STOX2: variants seen among roughly 807,000 people sequenced by gnomAD.
STOX2 encodes the protein storkhead-box protein 2.
STOX2 carries 28 observed loss-of-function variants against 60.9 expected under a neutral mutation model. The observed-to-expected ratio is 0.46, with a 90% confidence interval of 0.34 to 0.63. The LOEUF is 0.63. Among genes scored for constraint, STOX2 ranks in the 30% least tolerant of loss-of-function variants. The pLI is 0.01. For synonymous variants in STOX2, 472 were observed against 463.9 expected (o/e 1.02, Z -0.22); for missense variants, 1,024 against 1,187.7 (o/e 0.86, Z 2.03).
intron 1 of STOX2, among the ~76,000 whole-genome samples, chr4:183,829,356 C>A (rs529736018): frequency 8.5e-5 from 13 of 152,140 alleles, no homozygotes; most frequent in African/African-American, 3.1e-4. Context: ...AAAGACAGAA[C>A]GTGGAAAAAA....
chr4:183,877,390 G>T (rs1205628131), intron 1 of STOX2, among the ~76,000 whole-genome samples: 1 of 152,184 alleles, frequency 6.6e-6, no homozygotes, highest in East Asian at 1.9e-4. Context: ...AAATGTTTTG[G>T]AGTAGGGGAA....
intron 1 of STOX2, among the ~76,000 whole-genome samples, chr4:183,861,575 A>G (rs891392110): frequency 6.6e-6 from 1 of 152,042 alleles, no homozygotes; most frequent in Non-Finnish European, 1.5e-5. Context: ...CTGGCTTGGG[A>G]TTGCAGTTTT....
intron 1 of STOX2, among the ~76,000 whole-genome samples, chr4:183,920,140 G>A (rs1742061418): frequency 6.6e-6 from 1 of 151,310 alleles, no homozygotes; most frequent in Non-Finnish European, 1.5e-5. Flanking sequence ...TTTTGAGACA[G>A]GGTCTTGCTC....
intron 1 of STOX2, among the ~76,000 whole-genome samples, chr4:183,812,061 A>T (rs537013573): frequency 6.6e-6 from 1 of 151,366 alleles, no homozygotes; most frequent in South Asian, 2.1e-4. Context: ...CCTCCTCAGT[A>T]GTTGGAACTA....
At chr4:183,829,831 G>A (rs56402637) in intron 1 of STOX2, among the ~76,000 whole-genome samples, 12,882 of 152,190 alleles carry the variant, frequency 0.085, 1,778 homozygotes, top group African/African-American at 0.29. Context: ...ATGAAACAGA[G>A]TAATTCTCCT....
intron 1 of STOX2, among the ~76,000 whole-genome samples, chr4:183,863,486 G>A (rs966197115): frequency 2.6e-5 from 4 of 152,200 alleles, no homozygotes; most frequent in Non-Finnish European, 5.9e-5. Context: ...TTCCATATGC[G>A]TAGAATGAAG....
intron 1 of STOX2, among the ~76,000 whole-genome samples, chr4:183,855,513 A>T (rs147162710): frequency 2.0e-5 from 3 of 152,216 alleles, no homozygotes; most frequent in Non-Finnish European, 4.4e-5. Context: ...AGTGTAACTT[A>T]TGACAAGGGT....
chr4:183,983,540 G>A (rs984650521), intron 1 of STOX2, among the ~76,000 whole-genome samples: 2 of 152,172 alleles, frequency 1.3e-5, no homozygotes, highest in South Asian at 2.1e-4. Context: ...TCTTGACACC[G>A]CAGACTTCTG....
At position 184,017,381 on chromosome 4, in the gene STOX2, C is replaced by T. The variant is rs116359962; in HGVS notation, c.*97C>T. 5.2e-4 allele frequency: 656 copies of T among 1,262,368 alleles called. 8 individuals are homozygous for T. The African/African-American group carries it at 9.0e-3, about 17-fold the overall frequency. 78.2% of individuals were successfully genotyped at this position (1,262,368 alleles called of 1,614,324 possible). On this transcript the variant is annotated 3_prime_UTR_variant, in exon 4 of 4. Coordinates refer to ENST00000308497, the MANE Select transcript of STOX2 (RefSeq NM_020225.3). The stretch of plus-strand genomic sequence containing the variant: ...ATCTTTGGAAAGACAAGCATCTCAA[C>T]CACAGTTTTTGTGTTTACTTAAACT...
intron 1 of STOX2, among the ~76,000 whole-genome samples, chr4:183,833,937 C>A (rs565322916): frequency 5.6e-4 from 82 of 146,180 alleles, no homozygotes; most frequent in African/African-American, 2.0e-3. Context: ...AGCCGAGATC[C>A]CGCCACTGCA....
At position 183,831,850 on chromosome 4, in the gene STOX2, G is replaced by A. The variant is rs546938993; in HGVS notation, c.364+33795G>A. On this transcript the variant is annotated intron_variant, in intron 1 of 2. Transcript: ENST00000513034. Reference sequence around the variant, plus strand: ...GTAAACACGCCCTGGTCTCATTTCCGAGGCTTTGTACTTCCTCTTTTCTCT... The same window carrying A: ...GTAAACACGCCCTGGTCTCATTTCCAAGGCTTTGTACTTCCTCTTTTCTCT... Among the ~76,000 whole-genome samples the A allele has an allele frequency of 8.6e-4, 131 of 152,104 alleles. 1 individual carries two copies. The highest frequency in any genetic ancestry group is 1.5e-3 in the Non-Finnish European group (105 of 67,996).
intron 1 of STOX2, among the ~76,000 whole-genome samples, chr4:183,940,382 G>T (rs926905204): frequency 6.6e-6 from 1 of 152,152 alleles, no homozygotes; most frequent in Admixed American, 6.5e-5. Flanking sequence ...TAGCAACTTC[G>T]TAGCAATATG....
intron 1 of STOX2, among the ~76,000 whole-genome samples, chr4:183,972,715 T>A (rs1743779825): frequency 1.3e-5 from 2 of 152,218 alleles, no homozygotes; most frequent in Admixed American, 6.5e-5. Context: ...AGACTCGGAC[T>A]CTCATGATAT....
At chr4:183,862,331 A>T (rs541741284) in intron 1 of STOX2, among the ~76,000 whole-genome samples, 60 of 152,136 alleles carry the variant, frequency 3.9e-4, no homozygotes, top group African/African-American at 1.4e-3. Flanking sequence ...ACATGCCATC[A>T]CCCCTAGCTA....
Position 184,009,540 on chromosome 4 carries a change from G to T in STOX2, c.702G>T (p.Val234=). The change falls in exon 3 of 4, where the codon GTG becomes GTT. Residue 234 remains valine, a synonymous_variant. Coordinates refer to ENST00000308497, the MANE Select transcript of STOX2 (RefSeq NM_020225.3). This position sits in a 1 kb window ranked among gnomAD's most constrained non-coding sequence, Gnocchi z 4.0. ...ACTGTCCCCCTTCTCTGTGCCAGGTGCCACCCACTGAAAAGAGCAAAAGTA... is the reference window on the plus strand; with the variant it reads ...ACTGTCCCCCTTCTCTGTGCCAGGTTCCACCCACTGAAAAGAGCAAAAGTA... ...DPYCPPSLCQ[V]PPTEKSKSTV... 1 of 1,613,994 alleles carries T rather than the reference G, an allele frequency of 6.2e-7. No homozygotes were observed. The highest frequency in any genetic ancestry group is 8.5e-7 in the Non-Finnish European group (1 of 1,179,884).
chr4:183,936,216 C>G (rs933216631), intron 1 of STOX2, among the ~76,000 whole-genome samples: 7 of 137,900 alleles, frequency 5.1e-5, no homozygotes. Context: ...GCTGTTGTTT[C>G]CATCTGGAGT....
intron 1 of STOX2, among the ~76,000 whole-genome samples, chr4:183,948,218 CAA>C (rs760286920): frequency 0.012 from 358 of 29,842 alleles, 2 homozygotes; most frequent in African/African-American, 0.045. Context: ...AACTCCATCT[CAA>C]AAAAAAAAAA....
chr4:183,847,094 T>C (rs936247308), intron 1 of STOX2, among the ~76,000 whole-genome samples: 1 of 152,250 alleles, frequency 6.6e-6, no homozygotes, highest in African/African-American at 2.4e-5. Context: ...AGAGCCAGTG[T>C]GCTGTGTGTA....
intron 1 of STOX2, among the ~76,000 whole-genome samples, chr4:183,912,840 G>A (rs1195569158): frequency 6.6e-6 from 1 of 152,174 alleles, no homozygotes; most frequent in African/African-American, 2.4e-5. Flanking sequence ...AGTTGAATGA[G>A]GTCTCGAAGT....
Sources: gnomAD v4.1 joint callset for allele counts (sites outside exome capture counted in the v4.1 genomes callset) on GRCh38, gnomAD v4.1.1 for gene constraint, Gnocchi (gnomAD v3.1) non-coding constraint, MANE v1.5 for transcripts, NCBI Gene and HGNC (gene_info 2026-07-23, HGNC 2026-07-21) for gene names.